RAB31: variants seen among roughly 807,000 people sequenced by gnomAD.
RAB31 encodes ras-related protein Rab-31.
In RAB31, 21 loss-of-function variants were observed where a neutral mutation model predicts 25.6. The ratio of observed to expected loss-of-function variants is 0.82; its 90% CI spans 0.58 to 1.18. RAB31 has a LOEUF of 1.18. RAB31 is among the 50% of genes most tolerant of loss of function. RAB31 has a pLI of 0.00. For synonymous variants in RAB31, 87 were observed against 84.0 expected, an observed-to-expected ratio of 1.04 and a Z score of -0.20; for missense variants, 196 against 250.1, an observed-to-expected ratio of 0.78 and a Z score of 1.46.
intron 5 of RAB31, 67 bp from the exon 6 acceptor site, chr18:9,845,515 T>G: frequency 7.3e-7 from 1 of 1,375,094 alleles, no homozygotes; most frequent in Non-Finnish European, 9.7e-7. Flanking sequence ...AGCTGTCTGG[T>G]CTTTTGGGTG....
chr18:9,751,001 A>G lies in RAB31; in HGVS notation c.40-24277A>G, dbSNP rs113572641. On this transcript the variant is annotated intron_variant, in intron 1 of 6. Coordinates refer to ENST00000578921, the MANE Select transcript of RAB31 (RefSeq NM_006868.4). ...AGGCATCATCTTTCCTAGCACATGT[A>G]TTTTTCTTTCATGCCTCTTTTCTTT... Among the ~76,000 whole-genome samples, 689 of 151,962 alleles carry G rather than the reference A, an allele frequency of 4.5e-3. 6 individuals carry two copies. The highest frequency in any genetic ancestry group is 0.025 in the South Asian group (122 of 4,804).
chr18:9,842,606 A>G (rs2068739947), intron 5 of RAB31, among the ~76,000 whole-genome samples: 1 of 152,166 alleles, frequency 6.6e-6, no homozygotes, highest in Non-Finnish European at 1.5e-5. Flanking sequence ...TTCTTCCTGT[A>G]AGCACCTGTT....
chr18:9,824,835 T>C (rs1433954892), intron 5 of RAB31, among the ~76,000 whole-genome samples: 2 of 152,240 alleles, frequency 1.3e-5, no homozygotes, highest in South Asian at 2.1e-4. Flanking sequence ...AAATCTCCCC[T>C]GCTCAAATTA....
intron 1 of RAB31, among the ~76,000 whole-genome samples, chr18:9,740,636 C>G (rs1333471326): frequency 1.3e-5 from 2 of 151,980 alleles, no homozygotes; most frequent in Non-Finnish European, 2.9e-5. Context: ...TTGCTTGAAT[C>G]TGGGAGGTGG....
chr18:9,851,627 G>C (rs900008774), intron 6 of RAB31, among the ~76,000 whole-genome samples: 2 of 152,228 alleles, frequency 1.3e-5, no homozygotes, highest in South Asian at 2.1e-4. Flanking sequence ...ATTGCACAGC[G>C]TGGTTTATTG....
chr18:9,773,833 A>AT (rs1241849891), intron 1 of RAB31, among the ~76,000 whole-genome samples: 1 of 151,636 alleles, frequency 6.6e-6, no homozygotes, highest in Non-Finnish European at 1.5e-5. Context: ...TAATTTTTAC[A>AT]TTTTTTTGTA....
At position 9,792,398 on chromosome 18, in the gene RAB31, T is replaced by A. The variant is rs181402793; in HGVS notation, c.201+163T>A. Among the ~76,000 whole-genome samples, 29 of 152,248 alleles carry A rather than the reference T, an allele frequency of 1.9e-4. No individual in the cohort carries two copies. In the East Asian group the frequency reaches 3.9e-3, roughly 20 times the overall value. ...ATGTACTCATTAGCTATGTGAAAAG[T>A]CTAAGTGGGTACCTAGGGTGAGGCG... On this transcript the variant is annotated intron_variant, in intron 3 of 6. Transcript: ENST00000578921.
Position 9,772,518 on chromosome 18 carries a change from TC to T in RAB31, c.40-2756del, listed in dbSNP as rs1274384585. ...AGGCCAGGGAGGGTGGAATGGTATC[TC>T]CCCGCCAATGGGGTCTAGCCTGCTG... On this transcript the variant is annotated intron_variant, in intron 1 of 6. Coordinates refer to ENST00000578921, the MANE Select transcript of RAB31 (RefSeq NM_006868.4). 1.1e-4 allele frequency among the ~76,000 whole-genome samples: 16 copies of T among 152,136 alleles called. 1 individual carries two copies. The East Asian group carries it at 2.9e-3, about 28-fold the overall frequency.
chr18:9,836,142 G>A (rs1367628692), intron 5 of RAB31, among the ~76,000 whole-genome samples: 2 of 152,026 alleles, frequency 1.3e-5, no homozygotes, highest in Non-Finnish European at 2.9e-5. Context: ...TGTGCTGCTC[G>A]TGGCCGGCTT....
At chr18:9,812,145 C>G (rs1473559781) in intron 3 of RAB31, among the ~76,000 whole-genome samples, 1 of 152,166 alleles carries the variant, frequency 6.6e-6, no homozygotes, top group Non-Finnish European at 1.5e-5. Flanking sequence ...CATCTGTGAC[C>G]TCATCTAACC....
intron 2 of RAB31, among the ~76,000 whole-genome samples, chr18:9,780,384 T>C (rs771152116): frequency 5.3e-5 from 8 of 152,142 alleles, no homozygotes; most frequent in Non-Finnish European, 7.4e-5. Context: ...ATACTCATCA[T>C]AAACAACTGA....
chr18:9,824,286 GTGTGTATGTGTGTGTAGA>G (rs149405249), intron 5 of RAB31, among the ~76,000 whole-genome samples: 36,806 of 150,440 alleles, frequency 0.24, 4,813 homozygotes, highest in Non-Finnish European at 0.3. Flanking sequence ...ATGTAGATGT[GTGTGTATGTGTGTGTAGA>G]TGTGTATGTG....
At chr18:9,755,489 A>C (rs948739634) in intron 1 of RAB31, among the ~76,000 whole-genome samples, 6 of 152,310 alleles carry the variant, frequency 3.9e-5, no homozygotes, top group Middle Eastern at 6.8e-3. Flanking sequence ...CTAAGGCTGT[A>C]CTTGAGGACT....
chr18:9,772,193 A>AG (rs2068348694), intron 1 of RAB31, among the ~76,000 whole-genome samples: 1 of 151,886 alleles, frequency 6.6e-6, no homozygotes, highest in Non-Finnish European at 1.5e-5. Flanking sequence ...TAGATTCCAA[A>AG]GGGGTGCTTT....
rs566629126 is a variant in RAB31 at position 9,805,149 on chromosome 18, A to C, written c.202-8871A>C. Among the ~76,000 whole-genome samples the C allele has an allele frequency of 2.0e-5, 3 of 152,048 alleles. No individual in the cohort carries two copies. The East Asian group carries it at 5.8e-4, about 29-fold the overall frequency. On this transcript the variant is annotated intron_variant, in intron 3 of 6. Transcript: ENST00000578921. Reference sequence around the variant, plus strand: ...CATGCAGCTGTAGTCCCAGCTACTCAGGAGACCGAGACAGGAGGACCACTT... The same window carrying C: ...CATGCAGCTGTAGTCCCAGCTACTCCGGAGACCGAGACAGGAGGACCACTT...
At chr18:9,796,415 C>T (rs1401174654) in intron 3 of RAB31, among the ~76,000 whole-genome samples, 1 of 152,246 alleles carries the variant, frequency 6.6e-6, no homozygotes. Context: ...CTAAAAGAAG[C>T]ATGCTAAAAT....
intron 3 of RAB31, among the ~76,000 whole-genome samples, chr18:9,804,373 A>G (rs1469659114): frequency 1.3e-5 from 2 of 152,116 alleles, no homozygotes; most frequent in East Asian, 3.9e-4. Context: ...GCTTCTAATT[A>G]TGAGGCACTG....
chr18:9,739,442 A>G lies in RAB31; in HGVS notation c.39+30998A>G, dbSNP rs111809801. ...GGCCGAGATTGTGCCACTGCACTCCAGTCTTGGCAACAGAGGGAGACTCTG... is the reference window on the plus strand; with the variant it reads ...GGCCGAGATTGTGCCACTGCACTCCGGTCTTGGCAACAGAGGGAGACTCTG... On this transcript the variant is annotated intron_variant, in intron 1 of 6. Transcript: ENST00000578921. Among the ~76,000 whole-genome samples, 319 of 152,312 alleles carry G rather than the reference A, an allele frequency of 2.1e-3. 3 individuals carry two copies. The highest frequency in any genetic ancestry group is 7.1e-3 in the African/African-American group (294 of 41,570).
At chr18:9,710,597 C>T (rs2068011469) in intron 1 of RAB31, among the ~76,000 whole-genome samples, 1 of 152,116 alleles carries the variant, frequency 6.6e-6, no homozygotes, top group African/African-American at 2.4e-5. Context: ...TCACACCTGT[C>T]ATCCCAGCAC....
Sources: allele counts gnomAD v4.1 joint callset (sites outside exome capture counted in the v4.1 genomes callset), GRCh38; gene constraint gnomAD v4.1.1; transcripts MANE v1.5; gene names NCBI Gene and HGNC (gene_info 2026-07-23, HGNC 2026-07-21).